Variants in CSMD1 observed in about 807,000 individuals in gnomAD.
CSMD1 encodes CUB and Sushi multiple domains 1.
In CSMD1, 213 loss-of-function variants were observed where a neutral mutation model predicts 417.5. That is an observed-to-expected ratio of 0.51 (90% CI 0.46 to 0.57). The LOEUF (loss-of-function observed/expected upper bound fraction) is 0.57, where lower values mean the gene tolerates loss of function less well. Among genes scored for constraint, CSMD1 ranks in the 20% least tolerant of loss-of-function variants. CSMD1 has a pLI of 0.00. For missense variants in CSMD1, 6,923 were observed against 4,529.7 expected (o/e 1.53, Z -15.17); for synonymous variants, 2,862 against 1,736.8 (o/e 1.65, Z -16.11).
Position 2,956,973 on chromosome 8 carries a change from C to T in CSMD1, c.9814+723G>A, listed in dbSNP as rs192244146. On this transcript the variant is annotated intron_variant, in intron 63 of 69. Coordinates refer to ENST00000635120, the MANE Select transcript of CSMD1 (RefSeq NM_033225.6). ...AGAGATAATTTTAAAATAAATACAC[C>T]CAAAAATCACACCTTATATACTGAG... 2.2e-3 allele frequency among the ~76,000 whole-genome samples: 332 copies of T among 151,280 alleles called. 3 individuals are homozygous for T. Among genetic ancestry groups the T allele is most frequent in the African/African-American group, 5.3e-3 (218 of 40,892 alleles).
In CSMD1 at chr8:3,593,898, A is replaced by C. The variant is rs150904542; in HGVS notation, c.1098-7638T>G. Among the ~76,000 whole-genome samples the C allele has an allele frequency of 3.1e-3, 466 of 152,186 alleles. 4 individuals carry two copies. Among genetic ancestry groups the C allele is most frequent in the African/African-American group, 0.011 (450 of 41,520 alleles). ...TCCATCTTACTTGATTTTCACATTAAAACACTGCTTTTTCCCAATACGTAG... is the reference window on the plus strand; with the variant it reads ...TCCATCTTACTTGATTTTCACATTACAACACTGCTTTTTCCCAATACGTAG... On this transcript the variant is annotated intron_variant, in intron 8 of 69. Coordinates refer to ENST00000635120, the MANE Select transcript of CSMD1 (RefSeq NM_033225.6).
chr8:3,818,951 G>T (rs1010736539), intron 5 of CSMD1, among the ~76,000 whole-genome samples: 2 of 152,050 alleles, frequency 1.3e-5, no homozygotes, highest in African/African-American at 4.8e-5. Flanking sequence ...TCTTCTAAGG[G>T]GTTTGGTAGT....
At chr8:3,946,122 C>A (rs1378774125) in intron 5 of CSMD1, among the ~76,000 whole-genome samples, 1 of 152,072 alleles carries the variant, frequency 6.6e-6, no homozygotes, top group Non-Finnish European at 1.5e-5. Flanking sequence ...GGAACTGATT[C>A]CATGCACATG....
chr8:3,217,379 T>C (rs894411713), intron 29 of CSMD1, among the ~76,000 whole-genome samples: 2 of 152,254 alleles, frequency 1.3e-5, no homozygotes, highest in Non-Finnish European at 1.5e-5. Context: ...TCATGCAACC[T>C]GTAAGGCCCT....
intron 18 of CSMD1, among the ~76,000 whole-genome samples, chr8:3,386,572 C>T (rs1480271657): frequency 6.6e-6 from 1 of 151,822 alleles, no homozygotes; most frequent in African/African-American, 2.4e-5. Context: ...ATTTTGGGTG[C>T]TCATTTTAAA....
rs762366204 is a variant in CSMD1 at position 3,396,174 on chromosome 8, C to G, written c.2593+20G>C. The G allele has an allele frequency of 3.2e-6, 5 of 1,551,432 alleles. No homozygotes were observed. Among genetic ancestry groups the G allele is most frequent in the East Asian group, 4.9e-5 (2 of 41,142 alleles). On this transcript the variant is annotated intron_variant, in intron 17 of 69. Transcript: ENST00000635120. ...CATGCATGCTGCCCTGCCGGGCTGT[C>G]AAGGGAAGGTGCAACTCACTCTCAT... is the stretch of plus-strand genomic sequence containing the variant.
intron 2 of CSMD1, among the ~76,000 whole-genome samples, chr8:4,579,407 G>A (rs1160493507): frequency 6.6e-6 from 1 of 151,918 alleles, no homozygotes; most frequent in Non-Finnish European, 1.5e-5. Flanking sequence ...CCTCCAGGCT[G>A]GTGTACAATG....
intron 1 of CSMD1, among the ~76,000 whole-genome samples, chr8:4,972,522 T>C (rs550593225): frequency 1.1e-4 from 16 of 152,280 alleles, no homozygotes; most frequent in Non-Finnish European, 1.9e-4. Context: ...CCTGCCATGA[T>C]TGTAAGTTTC....
At chr8:3,010,489 C>T (rs1191426859) in intron 52 of CSMD1, among the ~76,000 whole-genome samples, 5 of 152,108 alleles carry the variant, frequency 3.3e-5, no homozygotes, top group Admixed American at 2.0e-4. Context: ...GTCGAGAGTT[C>T]GACCCCAGCA....
At chr8:4,328,630 A>C (rs370474003) in intron 3 of CSMD1, among the ~76,000 whole-genome samples, 1 of 149,680 alleles carries the variant, frequency 6.7e-6, no homozygotes, top group East Asian at 1.9e-4. Context: ...TACCATGCTT[A>C]CTTACCAAGA....
Position 3,406,036 on chromosome 8 carries a change from G to A in CSMD1, c.2257C>T (p.Arg753Cys), listed in dbSNP as rs909617693. ...GTGGCAGGGACTGCACCTTCACAGCGGGGCACGGTGGAGCTCCAGACCACG... is the reference window on the plus strand; with the variant it reads ...GTGGCAGGGACTGCACCTTCACAGCAGGGCACGGTGGAGCTCCAGACCACG... The part of the protein sequence containing the change: ...GNVVWSSTVP[R>C]CEAPCGGHLT... The change falls in exon 15 of 70, where the codon CGC becomes TGC. Residue 753 changes from arginine (R) to cysteine (C), a missense_variant. By Grantham distance (180) the Arg-to-Cys change is radical. Coordinates refer to ENST00000635120, the MANE Select transcript of CSMD1 (RefSeq NM_033225.6). 7.4e-6 allele frequency: 12 copies of A among 1,613,696 alleles called. No individual in the cohort carries two copies. Among genetic ancestry groups the A allele is most frequent in the Admixed American group, 1.7e-5 (1 of 59,984 alleles).
chr8:3,423,450 T>G (rs1405212276), intron 12 of CSMD1, among the ~76,000 whole-genome samples: 3 of 152,244 alleles, frequency 2.0e-5, no homozygotes, highest in African/African-American at 4.8e-5. Flanking sequence ...TGTCTCTGGT[T>G]TCTTTCACTG....
intron 5 of CSMD1, among the ~76,000 whole-genome samples, chr8:3,939,310 A>T (rs1238417457): frequency 1.3e-5 from 2 of 152,178 alleles, no homozygotes; most frequent in Non-Finnish European, 2.9e-5. Flanking sequence ...CCGCAATGAG[A>T]TACCACCTTA....
At chr8:3,499,543 G>C (rs536223999) in intron 10 of CSMD1, among the ~76,000 whole-genome samples, 1 of 152,224 alleles carries the variant, frequency 6.6e-6, no homozygotes, top group Non-Finnish European at 1.5e-5. Context: ...CAAAAGGCCA[G>C]TCCTTGGTCT....
At chr8:4,457,599 G>A (rs544084217) in intron 2 of CSMD1, among the ~76,000 whole-genome samples, 15 of 151,778 alleles carry the variant, frequency 9.9e-5, no homozygotes, top group Non-Finnish European at 1.9e-4. Context: ...ACCCTACATT[G>A]CTACTTAATC....
At chr8:3,296,322 G>A (rs1803962088) in intron 25 of CSMD1, among the ~76,000 whole-genome samples, 1 of 151,974 alleles carries the variant, frequency 6.6e-6, no homozygotes. Context: ...GTCCGCATTT[G>A]AGGACAGCCA....
At chr8:4,319,745 G>A (rs1361357317) in intron 3 of CSMD1, among the ~76,000 whole-genome samples, 10 of 152,152 alleles carry the variant, frequency 6.6e-5, no homozygotes, top group South Asian at 4.2e-4. Context: ...CTTGCCGGGG[G>A]GCCAAAGGCT....
intron 3 of CSMD1, among the ~76,000 whole-genome samples, chr8:4,334,711 T>C (rs557062484): frequency 6.6e-5 from 10 of 152,062 alleles, no homozygotes; most frequent in Non-Finnish European, 1.3e-4. Context: ...CCATGAAAAA[T>C]AATTTTTATT....
intron 10 of CSMD1, among the ~76,000 whole-genome samples, chr8:3,496,368 C>G (rs1796364640): frequency 6.6e-6 from 1 of 152,270 alleles, no homozygotes; most frequent in Middle Eastern, 3.4e-3. Context: ...AGGGCAGACA[C>G]CATGTGGCTT....
Sources: gnomAD v4.1 joint callset for allele counts (sites outside exome capture counted in the v4.1 genomes callset) on GRCh38, gnomAD v4.1.1 for gene constraint, MANE v1.5 for transcripts, NCBI Gene and HGNC (gene_info 2026-07-23, HGNC 2026-07-21) for gene names.